The following NRXN3 variants were observed in gnomAD, a reference collection of about 807,000 sequenced individuals.
NRXN3 encodes the protein neurexin III.
In NRXN3, 32 loss-of-function variants were observed where a neutral mutation model predicts 137.6. The ratio of observed to expected loss-of-function variants is 0.23; its 90% CI spans 0.18 to 0.31. NRXN3 has a LOEUF of 0.31. NRXN3 is among the 10% of genes least tolerant of loss of function. The pLI, the probability that NRXN3 is intolerant of heterozygous loss-of-function variation, is 1.00. For missense variants in NRXN3, 1,574 were observed against 2,062.5 expected, an observed-to-expected ratio of 0.76 and a Z score of 4.59; for synonymous variants, 798 against 784.5, an observed-to-expected ratio of 1.02 and a Z score of -0.29.
chr14:78,318,064 A>C (rs1293542116), intron 4 of NRXN3, among the ~76,000 whole-genome samples: 2 of 152,172 alleles, frequency 1.3e-5, no homozygotes, highest in East Asian at 1.9e-4. Context: ...CTAGGTTCTT[A>C]ATAAGGACTT....
At chr14:79,011,559 GAC>G (rs765384123) in intron 15 of NRXN3, among the ~76,000 whole-genome samples, 275 of 151,854 alleles carry the variant, frequency 1.8e-3, no homozygotes, top group Middle Eastern at 0.017. Context: ...GAAAATTTTG[GAC>G]ACTCCTTTTT....
At chr14:79,651,660 T>C (rs2098476793) in intron 16 of NRXN3, among the ~76,000 whole-genome samples, 1 of 152,178 alleles carries the variant, frequency 6.6e-6, no homozygotes. Flanking sequence ...TTATCAAAGA[T>C]GTCTCTGGAA....
intron 16 of NRXN3, among the ~76,000 whole-genome samples, chr14:79,600,933 G>GGGAA (rs1005101018): frequency 6.6e-6 from 1 of 151,808 alleles, no homozygotes; most frequent in Non-Finnish European, 1.5e-5. Context: ...AAGGAAGAAA[G>GGGAA]GGAAGGAAGG....
At chr14:79,401,300 A>G (rs555462166) in intron 15 of NRXN3, among the ~76,000 whole-genome samples, 9 of 152,192 alleles carry the variant, frequency 5.9e-5, no homozygotes, top group Non-Finnish European at 1.0e-4. Flanking sequence ...AGTCCCTGGA[A>G]GCAGTTCTGT....
chr14:79,621,020 A>G (rs1186250211), intron 16 of NRXN3, among the ~76,000 whole-genome samples: 1 of 152,140 alleles, frequency 6.6e-6, no homozygotes, highest in Non-Finnish European at 1.5e-5. Flanking sequence ...ACCCACAGAG[A>G]AAAGAGCATT....
intron 15 of NRXN3, among the ~76,000 whole-genome samples, chr14:79,030,842 G>T (rs944610339): frequency 2.0e-5 from 3 of 151,370 alleles, no homozygotes; most frequent in African/African-American, 7.3e-5. Flanking sequence ...CTCCCCAGTC[G>T]CTATCATCCT....
intron 15 of NRXN3, among the ~76,000 whole-genome samples, chr14:79,315,304 C>CT (rs1433553209): frequency 1.3e-5 from 2 of 152,174 alleles, no homozygotes; most frequent in African/African-American, 2.4e-5. Context: ...CTCAAGTAAA[C>CT]TTTGACAGGT....
chr14:78,711,142 G>A (rs1024959087), intron 7 of NRXN3, among the ~76,000 whole-genome samples: 2 of 151,774 alleles, frequency 1.3e-5, no homozygotes, highest in Non-Finnish European at 2.9e-5. Context: ...CATGTGTTTG[G>A]GATCTCTGAG....
At chr14:78,488,825 A>G (rs1224008167) in intron 4 of NRXN3, among the ~76,000 whole-genome samples, 6 of 146,806 alleles carry the variant, frequency 4.1e-5, no homozygotes, top group Non-Finnish European at 7.5e-5. Flanking sequence ...GGAGAGGAGA[A>G]GAAATGAAGA....
intron 4 of NRXN3, among the ~76,000 whole-genome samples, chr14:78,497,677 G>C (rs997525276): frequency 6.6e-6 from 1 of 151,934 alleles, no homozygotes; most frequent in Non-Finnish European, 1.5e-5. Flanking sequence ...CATTTTTAAA[G>C]GGACTATTTT....
chr14:79,598,867 C>T (rs184074190), intron 16 of NRXN3, among the ~76,000 whole-genome samples: 2 of 152,266 alleles, frequency 1.3e-5, no homozygotes, highest in East Asian at 3.9e-4. Context: ...AATGCTGCTT[C>T]CCTGATAAAC....
rs766146129 is a variant in NRXN3 at position 78,243,401 on chromosome 14, A to T, written c.308A>T (p.Gln103Leu). 1 of 1,567,872 alleles carries T rather than the reference A, an allele frequency of 6.4e-7. No homozygotes were observed. The highest frequency in any genetic ancestry group is 8.6e-7 in the Non-Finnish European group (1 of 1,164,436). The part of the protein sequence containing the change: ...CAETAVLSNK[Q>L]VNDSSWHFLM... ...GAGACTGCCGTGCTGTCCAACAAGC[A>T]GGTGAATGACAGCAGCTGGCACTTC... Residue 103 changes from glutamine (Q) to leucine (L), a missense_variant, in exon 2 of 21, where the codon CAG becomes CTG. Transcript: ENST00000335750. This position sits in a 1 kb window ranked among gnomAD's most constrained non-coding sequence, Gnocchi z 4.2.
At chr14:79,708,027 CCT>C (rs139205467) in intron 19 of NRXN3, among the ~76,000 whole-genome samples, 2,272 of 152,052 alleles carry the variant, frequency 0.015, 43 homozygotes, top group South Asian at 0.072. Flanking sequence ...CTATATCTCC[CCT>C]CTTTGCTGAA....
chr14:79,624,970 ATTGT>A (rs1174112249), intron 16 of NRXN3, among the ~76,000 whole-genome samples: 5 of 151,704 alleles, frequency 3.3e-5, no homozygotes, highest in Admixed American at 1.3e-4. Flanking sequence ...CACCTGGCTA[ATTGT>A]TTGTTGTAGA....
At chr14:79,675,532 A>AT (rs924763539) in intron 17 of NRXN3, among the ~76,000 whole-genome samples, 1 of 152,066 alleles carries the variant, frequency 6.6e-6, no homozygotes, top group African/African-American at 2.4e-5. Flanking sequence ...CATCAGCTTT[A>AT]TTTTTTGAAT....
At chr14:78,918,997 G>A (rs2099264050) in intron 10 of NRXN3, among the ~76,000 whole-genome samples, 1 of 152,098 alleles carries the variant, frequency 6.6e-6, no homozygotes, top group Non-Finnish European at 1.5e-5. Flanking sequence ...GAATACACAT[G>A]ATTTCCACCA....
chr14:79,473,696 C>T (rs1012317120), intron 16 of NRXN3, among the ~76,000 whole-genome samples: 1 of 152,160 alleles, frequency 6.6e-6, no homozygotes, highest in African/African-American at 2.4e-5. Context: ...TTTCGTTTCC[C>T]ATGGAGTGCT....
intron 15 of NRXN3, among the ~76,000 whole-genome samples, chr14:79,139,752 A>G (rs2058613918): frequency 6.6e-6 from 1 of 152,014 alleles, no homozygotes; most frequent in Non-Finnish European, 1.5e-5. Context: ...CTTTTTAGAC[A>G]TAAATCTGAC....
chr14:78,336,135 T>G (rs2081438825), intron 4 of NRXN3, among the ~76,000 whole-genome samples: 1 of 152,180 alleles, frequency 6.6e-6, no homozygotes, highest in Admixed American at 6.5e-5. Flanking sequence ...TGGCCAGGTA[T>G]CTGCACTTAA....
Sources: gnomAD v4.1 joint callset for allele counts (sites outside exome capture counted in the v4.1 genomes callset) on GRCh38, gnomAD v4.1.1 for gene constraint, Gnocchi (gnomAD v3.1) non-coding constraint, MANE v1.5 for transcripts, NCBI Gene and HGNC (gene_info 2026-07-23, HGNC 2026-07-21) for gene names.